RBFOX1: variants seen among roughly 807,000 people sequenced by gnomAD.
RBFOX1 encodes the protein RNA binding fox-1 homolog 1, also known as RNA binding protein fox-1 homolog 1.
Under a neutral mutation model 57.7 loss-of-function variants are expected in RBFOX1, and 8 were observed. The ratio of observed to expected loss-of-function variants is 0.14; its 90% confidence interval spans 0.08 to 0.25. The LOEUF is 0.25. Among genes scored for constraint, RBFOX1 ranks in the 10% least tolerant of loss-of-function variants. The pLI, the probability that RBFOX1 is intolerant of heterozygous loss-of-function variation, is 1.00. For missense variants in RBFOX1, 611 were observed against 548.5 expected (o/e 1.11, Z -1.14); for synonymous variants, 326 against 222.4 (o/e 1.47, Z -4.15).
At chr16:7,320,771 G>T (rs2096531168) in intron 4 of RBFOX1, among the ~76,000 whole-genome samples, 1 of 152,232 alleles carries the variant, frequency 6.6e-6, no homozygotes, top group South Asian at 2.1e-4. Flanking sequence ...ACAAATGGGT[G>T]CAAGCCCAAA....
At chr16:6,379,681 CAAAA>C (rs5815304) in intron 2 of RBFOX1, among the ~76,000 whole-genome samples, 3 of 96,484 alleles carry the variant, frequency 3.1e-5, no homozygotes, top group African/African-American at 9.2e-5. Context: ...ATTTAGCTAC[CAAAA>C]AAAAAAAAAA....
At chr16:6,666,235 T>A (rs1041286614) in intron 3 of RBFOX1, among the ~76,000 whole-genome samples, 1 of 151,662 alleles carries the variant, frequency 6.6e-6, no homozygotes, top group Middle Eastern at 3.2e-3. Context: ...ACAGGAGGAG[T>A]TGAAGAATGT....
At chr16:6,003,456 C>A (rs1468024791) in intron 4 of RBFOX1, among the ~76,000 whole-genome samples, 2 of 152,084 alleles carry the variant, frequency 1.3e-5, no homozygotes, top group Admixed American at 6.5e-5. Context: ...GACTACTTCT[C>A]GCCACCGCCC....
chr16:7,213,373 T>C (rs1388142520), intron 4 of RBFOX1, among the ~76,000 whole-genome samples: 2 of 152,128 alleles, frequency 1.3e-5, no homozygotes, highest in Non-Finnish European at 2.9e-5. Context: ...CAGTGATCAG[T>C]ATTTCTTTAA....
chr16:5,545,738 T>C (rs973222794), intron 2 of RBFOX1, among the ~76,000 whole-genome samples: 1 of 152,188 alleles, frequency 6.6e-6, no homozygotes, highest in Non-Finnish European at 1.5e-5. Context: ...TCTTTCATAC[T>C]TAATAGTGAA....
intron 3 of RBFOX1, among the ~76,000 whole-genome samples, chr16:5,731,973 T>C (rs1421201637): frequency 6.6e-6 from 1 of 152,166 alleles, no homozygotes; most frequent in African/African-American, 2.4e-5. Flanking sequence ...TTAATGAATC[T>C]AGAATTCTCC....
At chr16:5,761,478 C>T (rs1314027186) in intron 3 of RBFOX1, among the ~76,000 whole-genome samples, 8 of 152,184 alleles carry the variant, frequency 5.3e-5, no homozygotes, top group Admixed American at 1.3e-4. Context: ...TCAATTGACT[C>T]AGTTCCACAT....
At chr16:6,105,258 A>G (rs1045605178) in intron 1 of RBFOX1, among the ~76,000 whole-genome samples, 6 of 152,234 alleles carry the variant, frequency 3.9e-5, no homozygotes, top group African/African-American at 1.4e-4. Flanking sequence ...GCAGGCAGGA[A>G]TGTTTAAGCT....
At chr16:7,265,479 T>C (rs765452028) in intron 4 of RBFOX1, among the ~76,000 whole-genome samples, 13 of 152,144 alleles carry the variant, frequency 8.5e-5, no homozygotes, top group Non-Finnish European at 1.8e-4. Context: ...GATGTAGTCT[T>C]GCTCTGTCAC....
At chr16:7,267,997 G>A (rs1006197357) in intron 4 of RBFOX1, among the ~76,000 whole-genome samples, 4 of 152,168 alleles carry the variant, frequency 2.6e-5, no homozygotes, top group South Asian at 2.1e-4. Flanking sequence ...AAACATCAGA[G>A]TGTACTCACA....
chr16:7,546,232 TG>T (rs2084483679), intron 5 of RBFOX1, among the ~76,000 whole-genome samples: 1 of 151,788 alleles, frequency 6.6e-6, no homozygotes, highest in South Asian at 2.1e-4. Flanking sequence ...GAGCCTGAGG[TG>T]GGAGAATCGT....
chr16:7,478,814 C>G (rs2063270310), intron 4 of RBFOX1, among the ~76,000 whole-genome samples: 1 of 152,152 alleles, frequency 6.6e-6, no homozygotes, highest in South Asian at 2.1e-4. Flanking sequence ...TAGATGCCAA[C>G]AATACCCTGA....
At chr16:7,318,127 G>A (rs562085388) in intron 4 of RBFOX1, among the ~76,000 whole-genome samples, 1 of 151,974 alleles carries the variant, frequency 6.6e-6, no homozygotes, top group African/African-American at 2.4e-5. Flanking sequence ...GGTGCTGATG[G>A]TGATGTAGTG....
intron 1 of RBFOX1, among the ~76,000 whole-genome samples, chr16:5,248,761 G>A (rs1196152932): frequency 2.0e-5 from 3 of 152,156 alleles, no homozygotes; most frequent in African/African-American, 4.8e-5. Context: ...AGGCCAAGGT[G>A]GGGGATCACC....
intron 5 of RBFOX1, among the ~76,000 whole-genome samples, chr16:7,577,115 C>G (rs1467123447): frequency 6.6e-6 from 1 of 152,224 alleles, no homozygotes; most frequent in Non-Finnish European, 1.5e-5. Flanking sequence ...TGATTGTACA[C>G]TTCTTCATGC....
intron 2 of RBFOX1, among the ~76,000 whole-genome samples, chr16:5,492,830 T>G (rs2042878367): frequency 6.6e-6 from 1 of 152,222 alleles, no homozygotes; most frequent in Non-Finnish European, 1.5e-5. Flanking sequence ...CCATCAATAG[T>G]GCGGGGACTT....
chr16:6,916,981 G>C (rs8050701), intron 3 of RBFOX1, among the ~76,000 whole-genome samples: 112,534 of 152,054 alleles, frequency 0.74, 42,214 homozygotes, highest in African/African-American at 0.87. Context: ...TCCCAAGTAG[G>C]TAGGATTACA....
At position 6,624,503 on chromosome 16, in the gene RBFOX1, C is replaced by T. The variant is rs149883296; in HGVS notation, c.-63-30100C>T. Among the ~76,000 whole-genome samples, 10 of 152,202 alleles carry T rather than the reference C, an allele frequency of 6.6e-5. No homozygotes were observed. In the South Asian group the frequency reaches 1.7e-3, roughly 25 times the overall value. On this transcript the variant is annotated intron_variant, in intron 2 of 15. Coordinates refer to ENST00000550418, the MANE Select transcript of RBFOX1 (RefSeq NM_018723.4). ...AAGGTAATCTACCTAACAGAACATA[C>T]CAGTTTCCACCCACCTTTGTTTTGG...
chr16:5,372,836 C>T (rs1436487336), intron 1 of RBFOX1, among the ~76,000 whole-genome samples: 1 of 152,206 alleles, frequency 6.6e-6, no homozygotes, highest in Middle Eastern at 3.2e-3. Context: ...ATCTCATGAT[C>T]CTTTGGAATC....
Sources: allele counts gnomAD v4.1 joint callset (sites outside exome capture counted in the v4.1 genomes callset), GRCh38; gene constraint gnomAD v4.1.1; transcripts MANE v1.5; gene names NCBI Gene and HGNC (gene_info 2026-07-23, HGNC 2026-07-21).